Variants in PCDH15 observed in about 807,000 individuals in gnomAD.
PCDH15 encodes the protein protocadherin related 15.
Under a neutral mutation model 178.5 loss-of-function variants are expected in PCDH15, and 129 were observed. The observed-to-expected ratio is 0.72, with a 90% CI of 0.63 to 0.84. The LOEUF (loss-of-function observed/expected upper bound fraction) is 0.84. PCDH15 is among the 40% of genes least tolerant of loss of function. The probability of loss-of-function intolerance (pLI) is 0.00; values close to 1 mark genes in which losing one functional copy is unlikely to be tolerated. For synonymous variants in PCDH15, 800 were observed against 732.0 expected (o/e 1.09, Z -1.50); for missense variants, 2,230 against 2,099.9 (o/e 1.06, Z -1.21).
intron 1 of PCDH15, among the ~76,000 whole-genome samples, chr10:55,311,410 T>C (rs1042065931): frequency 6.6e-6 from 1 of 152,194 alleles, no homozygotes; most frequent in Non-Finnish European, 1.5e-5. Context: ...TGTGGAACCT[T>C]GATCATCTTG....
chr10:54,234,475 C>A (rs575596673), intron 9 of PCDH15, among the ~76,000 whole-genome samples: 1 of 152,166 alleles, frequency 6.6e-6, no homozygotes, highest in South Asian at 2.1e-4. Context: ...ATCGCTTGAA[C>A]CCAGGAAGTC....
At chr10:55,292,109 C>T (rs894336546) in intron 1 of PCDH15, among the ~76,000 whole-genome samples, 1 of 152,112 alleles carries the variant, frequency 6.6e-6, no homozygotes, top group African/African-American at 2.4e-5. Context: ...CATGCCTTCC[C>T]AACAGTCCCC....
chr10:53,870,965 C>T (rs1357977199), intron 26 of PCDH15, among the ~76,000 whole-genome samples: 1 of 152,032 alleles, frequency 6.6e-6, no homozygotes, highest in Non-Finnish European at 1.5e-5. Flanking sequence ...TAATTTTAAA[C>T]TTACTTTTTT....
intron 2 of PCDH15, among the ~76,000 whole-genome samples, chr10:55,007,695 G>T (rs532045625): frequency 3.0e-4 from 46 of 151,982 alleles, no homozygotes; most frequent in Non-Finnish European, 6.0e-4. Context: ...TGTCCTACAG[G>T]TCATATTTTA....
At chr10:55,598,410 C>T (rs1359130336) in intron 2 of PCDH15, among the ~76,000 whole-genome samples, 2 of 150,468 alleles carry the variant, frequency 1.3e-5, no homozygotes, top group African/African-American at 4.9e-5. Flanking sequence ...CTTGGCGGTG[C>T]TTTATAGCCT....
At chr10:54,747,402 G>T (rs897404514) in intron 1 of PCDH15, among the ~76,000 whole-genome samples, 6 of 152,132 alleles carry the variant, frequency 3.9e-5, no homozygotes, top group Admixed American at 1.3e-4. Context: ...ACAATAAATA[G>T]GTGAACTAAT....
chr10:54,072,397 T>G (rs952989664), intron 17 of PCDH15, among the ~76,000 whole-genome samples: 3 of 152,062 alleles, frequency 2.0e-5, no homozygotes, highest in African/African-American at 7.2e-5. Context: ...TGATGTAGAG[T>G]GGAGGTCCTT....
intron 8 of PCDH15, among the ~76,000 whole-genome samples, chr10:54,288,150 C>T (rs1366333199): frequency 1.3e-5 from 2 of 151,938 alleles, no homozygotes; most frequent in East Asian, 1.9e-4. Flanking sequence ...AGTGAAACCC[C>T]ATCTCTACCA....
chr10:55,437,704 T>A (rs1485447495), intron 2 of PCDH15, among the ~76,000 whole-genome samples: 1 of 152,078 alleles, frequency 6.6e-6, no homozygotes, highest in Non-Finnish European at 1.5e-5. Flanking sequence ...TAACTGTAGC[T>A]GATCTAGAAA....
chr10:54,389,534 C>T (rs2135281021), intron 3 of PCDH15, among the ~76,000 whole-genome samples: 1 of 152,256 alleles, frequency 6.6e-6, no homozygotes, highest in Middle Eastern at 3.4e-3. Context: ...GGTCCCCTGA[C>T]ATAAGTATCA....
At chr10:55,474,316 AAGT>A (rs1434355321) in intron 2 of PCDH15, among the ~76,000 whole-genome samples, 1 of 152,214 alleles carries the variant, frequency 6.6e-6, no homozygotes. Context: ...ACTGAGCAGA[AAGT>A]AGCATCATTT....
rs1589053593 is a variant in PCDH15, at chr10:53,805,769, C to T, written c.*810G>A. 6.6e-6 allele frequency: 1 copy of T among 152,118 alleles called. No individual in the cohort carries two copies. The highest frequency in any genetic ancestry group is 1.5e-5 in the Non-Finnish European group (1 of 68,018). The allele number at this position is 152,118 out of a possible 1,614,324, so 9.4% of individuals were successfully genotyped here. A position where few individuals can be genotyped will look rare whatever the true frequency, so the allele number is the denominator to read the frequency against. ...GTCGTTCTAGATGCATTACTGCTTA[C>T]TCGAACCTTTCTCACTTCCCTAAAA... On this transcript the variant is annotated 3_prime_UTR_variant, in exon 38 of 38. Transcript: ENST00000644397.
chr10:55,549,589 A>C (rs1841963885), intron 2 of PCDH15, among the ~76,000 whole-genome samples: 1 of 152,156 alleles, frequency 6.6e-6, no homozygotes, highest in Non-Finnish European at 1.5e-5. Flanking sequence ...AGGTGGGCTA[A>C]AAGTAGAAGT....
chr10:54,171,483 A>G (rs1244184257), intron 13 of PCDH15, among the ~76,000 whole-genome samples: 1 of 151,904 alleles, frequency 6.6e-6, no homozygotes, highest in Non-Finnish European at 1.5e-5. Context: ...CCCCCCAAAA[A>G]ACTTGTCATC....
At chr10:54,434,124 A>G (rs2075218327) in intron 3 of PCDH15, among the ~76,000 whole-genome samples, 1 of 152,230 alleles carries the variant, frequency 6.6e-6, no homozygotes, top group Non-Finnish European at 1.5e-5. Context: ...ATATAAAGAA[A>G]GAAAATATTT....
chr10:55,176,676 T>A (rs1410311439), intron 1 of PCDH15, among the ~76,000 whole-genome samples: 1 of 152,108 alleles, frequency 6.6e-6, no homozygotes, highest in Non-Finnish European at 1.5e-5. Context: ...ACCTCATTAA[T>A]GACGTTGTGG....
At chr10:55,147,135 T>C (rs995051849) in intron 2 of PCDH15, among the ~76,000 whole-genome samples, 1 of 151,486 alleles carries the variant, frequency 6.6e-6, no homozygotes, top group Non-Finnish European at 1.5e-5. Flanking sequence ...TGAAAGAAGA[T>C]ATATTTAACA....
chr10:54,689,936 T>G (rs1047155999), intron 1 of PCDH15, among the ~76,000 whole-genome samples: 1 of 152,112 alleles, frequency 6.6e-6, no homozygotes, highest in African/African-American at 2.4e-5. Context: ...GAATGAGAGG[T>G]CATCAAACAG....
chr10:54,058,019 A>C (rs969257859), intron 18 of PCDH15, among the ~76,000 whole-genome samples: 1 of 152,202 alleles, frequency 6.6e-6, no homozygotes, highest in Non-Finnish European at 1.5e-5. Context: ...TATCACTATC[A>C]GCATTTTGGT....
Sources: gnomAD v4.1 joint callset for allele counts (sites outside exome capture counted in the v4.1 genomes callset) on GRCh38, gnomAD v4.1.1 for gene constraint, MANE v1.5 for transcripts, NCBI Gene and HGNC (gene_info 2026-07-23, HGNC 2026-07-21) for gene names.